EBF1: variants seen among roughly 807,000 people sequenced by gnomAD.
The protein encoded by EBF1 is EBF transcription factor 1, also known as transcription factor COE1.
Under a neutral mutation model 68.4 loss-of-function variants are expected in EBF1, and 10 were observed. The ratio of observed to expected loss-of-function variants is 0.15; its 90% CI spans 0.09 to 0.25. EBF1 has a LOEUF of 0.25. Among genes scored for constraint, EBF1 ranks in the 10% least tolerant of loss-of-function variants. The pLI, the probability that EBF1 is intolerant of heterozygous loss-of-function variation, is 1.00. For missense variants in EBF1, 509 were observed against 794.4 expected (o/e 0.64, Z 4.32); for synonymous variants, 298 against 299.8 (o/e 0.99, Z 0.06).
intron 10 of EBF1, among the ~76,000 whole-genome samples, chr5:158,762,403 T>C (rs1217616038): frequency 6.6e-6 from 1 of 152,246 alleles, no homozygotes; most frequent in East Asian, 1.9e-4. Flanking sequence ...TGGCCCTTTT[T>C]GGCTTTTCAC....
intron 7 of EBF1, among the ~76,000 whole-genome samples, chr5:158,834,154 A>G (rs1366948668): frequency 6.6e-6 from 1 of 152,104 alleles, no homozygotes; most frequent in Non-Finnish European, 1.5e-5. Flanking sequence ...TTCCCTTACC[A>G]CCCTCATTCT....
intron 10 of EBF1, among the ~76,000 whole-genome samples, chr5:158,737,237 A>T (rs1416750303): frequency 3.4e-5 from 5 of 147,056 alleles, no homozygotes; most frequent in African/African-American, 7.5e-5. Context: ...CCAGAGGAAA[A>T]TTTCCAAACT....
chr5:158,911,718 G>GT (rs1367837721), intron 6 of EBF1, among the ~76,000 whole-genome samples: 3 of 152,162 alleles, frequency 2.0e-5, no homozygotes, highest in African/African-American at 7.2e-5. Flanking sequence ...GAGTAGGAGA[G>GT]TATACCCACC....
chr5:159,057,418 A>C (rs928005185), intron 6 of EBF1, among the ~76,000 whole-genome samples: 4 of 152,010 alleles, frequency 2.6e-5, no homozygotes, highest in Non-Finnish European at 4.4e-5. Flanking sequence ...GACTGTTATA[A>C]TTTCTGAGAA....
At chr5:158,958,059 C>T (rs1817490640) in intron 6 of EBF1, among the ~76,000 whole-genome samples, 1 of 152,302 alleles carries the variant, frequency 6.6e-6, no homozygotes, top group African/African-American at 2.4e-5. Flanking sequence ...GCCCAGTCAG[C>T]TGCCCCTCCC....
intron 9 of EBF1, among the ~76,000 whole-genome samples, chr5:158,784,972 C>T (rs1442546252): frequency 2.0e-5 from 3 of 152,104 alleles, no homozygotes; most frequent in Admixed American, 1.3e-4. Flanking sequence ...ATTATACATG[C>T]TTTATGTTTG....
chr5:158,888,239 C>G (rs993568993), intron 6 of EBF1, among the ~76,000 whole-genome samples: 1 of 151,952 alleles, frequency 6.6e-6, no homozygotes, highest in Admixed American at 6.6e-5. Flanking sequence ...TTAAAATTCA[C>G]TCCTCATTTT....
At chr5:158,704,280 T>C (rs1056399860) in intron 15 of EBF1, among the ~76,000 whole-genome samples, 1 of 152,128 alleles carries the variant, frequency 6.6e-6, no homozygotes, top group East Asian at 1.9e-4. Context: ...GGGGAATAAA[T>C]ATGCGTGTAG....
At chr5:159,002,914 G>A (rs1013032221) in intron 6 of EBF1, among the ~76,000 whole-genome samples, 7 of 152,234 alleles carry the variant, frequency 4.6e-5, no homozygotes, top group African/African-American at 1.7e-4. Flanking sequence ...AGCTGTGTAG[G>A]AAAGTTGATT....
chr5:158,829,835 G>A (rs1787113397), intron 7 of EBF1, among the ~76,000 whole-genome samples: 1 of 152,004 alleles, frequency 6.6e-6, no homozygotes, highest in Non-Finnish European at 1.5e-5. Flanking sequence ...GTAATAATGG[G>A]TGACATTATT....
At chr5:158,800,844 A>G in intron 8 of EBF1, among the ~76,000 whole-genome samples, 1 of 152,160 alleles carries the variant, frequency 6.6e-6, no homozygotes, top group East Asian at 1.9e-4. Context: ...GGATGTGATA[A>G]TCAATACAAG....
rs530322883 is a variant in EBF1 at position 159,075,856 on chromosome 5, T to C, written c.486-2392A>G. Among the ~76,000 whole-genome samples the C allele has an allele frequency of 2.0e-5, 3 of 152,272 alleles. No individual in the cohort carries two copies. In the South Asian group the frequency reaches 6.2e-4, roughly 32 times the overall value. On this transcript the variant is annotated intron_variant, in intron 5 of 15. Coordinates refer to ENST00000313708, the MANE Select transcript of EBF1 (RefSeq NM_024007.5). ...GGCCCATTTCAATCCCTCTCAGTTGTGCCCTGTTCAATCTGACCTCAGGCC... is the reference window on the plus strand; with the variant it reads ...GGCCCATTTCAATCCCTCTCAGTTGCGCCCTGTTCAATCTGACCTCAGGCC...
intron 6 of EBF1, among the ~76,000 whole-genome samples, chr5:158,942,011 GA>G: frequency 6.6e-6 from 1 of 152,282 alleles, no homozygotes; most frequent in Admixed American, 6.5e-5. Flanking sequence ...GACTATTAGA[GA>G]AAGATGCATT....
rs932300970 is a variant in EBF1 at position 158,696,872 on chromosome 5, T to C, written c.*2239A>G. On this transcript the variant is annotated 3_prime_UTR_variant, in exon 16 of 16. Coordinates refer to ENST00000313708, the MANE Select transcript of EBF1 (RefSeq NM_024007.5). ...ACATTGTCTTAAGGTAACAAAACAG[T>C]TCTTTTGTGCTTTTCGATTTCTTTG... 4.9e-6 allele frequency: 1 copy of C among 203,082 alleles called. No individual in the cohort carries two copies. The highest frequency in any genetic ancestry group is 1.0e-5 in the Non-Finnish European group (1 of 99,062). 12.6% of individuals were successfully genotyped at this position (203,082 alleles called of 1,614,324 possible). A position where few individuals can be genotyped will look rare whatever the true frequency, so the allele number is the denominator to read the frequency against.
chr5:158,914,423 G>C (rs970698517), intron 6 of EBF1, among the ~76,000 whole-genome samples: 3 of 152,148 alleles, frequency 2.0e-5, no homozygotes, highest in Non-Finnish European at 4.4e-5. Context: ...TGCCGCACGA[G>C]GGGGGTAACC....
At chr5:159,079,602 C>CTTTTTT (rs58461083) in intron 5 of EBF1, among the ~76,000 whole-genome samples, 10 of 113,638 alleles carry the variant, frequency 8.8e-5, no homozygotes, top group Non-Finnish European at 1.4e-4. Flanking sequence ...CTCCTTTTAT[C>CTTTTTT]TTTTTTTTTT....
chr5:158,878,615 A>G (rs1489374157), intron 6 of EBF1, among the ~76,000 whole-genome samples: 1 of 150,966 alleles, frequency 6.6e-6, no homozygotes, highest in Non-Finnish European at 1.5e-5. Context: ...CAATTTCCCC[A>G]AGATCACACA....
At chr5:158,886,583 T>C (rs1800091163) in intron 6 of EBF1, among the ~76,000 whole-genome samples, 1 of 152,206 alleles carries the variant, frequency 6.6e-6, no homozygotes, top group Admixed American at 6.5e-5. Flanking sequence ...CTTTCAAAGA[T>C]TTACTTCTAG....
In EBF1 at chr5:158,930,260, GT is replaced by G. The variant is rs1007919859; in HGVS notation, c.555-90151del. 1.7e-3 allele frequency among the ~76,000 whole-genome samples: 168 copies of G among 99,038 alleles called. 2 individuals carry two copies. The highest frequency in any genetic ancestry group is 0.011 in the Middle Eastern group (2 of 180). The allele number at this position is 99,038 out of a possible 152,430, so 65.0% of individuals were successfully genotyped here. On this transcript the variant is annotated intron_variant, in intron 6 of 15. Coordinates refer to ENST00000313708, the MANE Select transcript of EBF1 (RefSeq NM_024007.5). ...GCTCGAGCTGTTTTCTAGTTTTTTT[GT>G]TTTTTTTTTTGTTTGTTTTTTTTTG...
Sources: gnomAD v4.1 joint callset for allele counts (sites outside exome capture counted in the v4.1 genomes callset) on GRCh38, gnomAD v4.1.1 for gene constraint, MANE v1.5 for transcripts, NCBI Gene and HGNC (gene_info 2026-07-23, HGNC 2026-07-21) for gene names.